The following KAZN variants were observed in gnomAD, a reference collection of about 807,000 sequenced individuals.
KAZN encodes kazrin, periplakin interacting protein.
Under a neutral mutation model 87.4 loss-of-function variants are expected in KAZN, and 40 were observed. The observed-to-expected ratio is 0.46, with a 90% CI of 0.36 to 0.60. KAZN has a LOEUF of 0.60. KAZN is among the 20% of genes least tolerant of loss of function. KAZN has a pLI of 0.00. For missense variants in KAZN, 898 were observed against 1,073.9 expected (o/e 0.84, Z 2.29); for synonymous variants, 466 against 458.3 (o/e 1.02, Z -0.22).
intron 1 of KAZN, among the ~76,000 whole-genome samples, chr1:14,676,670 A>T (rs979148619): frequency 3.3e-5 from 5 of 152,198 alleles, no homozygotes; most frequent in Non-Finnish European, 7.4e-5. Flanking sequence ...CCTTGAAAAC[A>T]TCATGCTAAA....
At chr1:14,738,362 G>A (rs1268207102) in intron 1 of KAZN, among the ~76,000 whole-genome samples, 3 of 152,064 alleles carry the variant, frequency 2.0e-5, no homozygotes, top group Admixed American at 1.3e-4. Flanking sequence ...GTGCACCGTG[G>A]CGCAGATGAC....
At chr1:14,174,238 C>A (rs967958251) in intron 1 of KAZN, among the ~76,000 whole-genome samples, 1 of 152,062 alleles carries the variant, frequency 6.6e-6, no homozygotes, top group East Asian at 1.9e-4. Flanking sequence ...GACCGGCTGG[C>A]AAGAAGGGAA....
chr1:14,771,967 G>A (rs1645031714), intron 1 of KAZN, among the ~76,000 whole-genome samples: 1 of 152,196 alleles, frequency 6.6e-6, no homozygotes. Context: ...CAAGACAGCA[G>A]GCAGCATCTC....
At chr1:14,665,848 C>G (rs1271275279) in intron 1 of KAZN, among the ~76,000 whole-genome samples, 1 of 148,702 alleles carries the variant, frequency 6.7e-6, no homozygotes, top group Non-Finnish European at 1.5e-5. Context: ...CCCCTCCCCA[C>G]TAAAGGCTGA....
chr1:14,833,523 C>T (rs1423187666), intron 1 of KAZN, among the ~76,000 whole-genome samples: 3 of 152,172 alleles, frequency 2.0e-5, no homozygotes, highest in Non-Finnish European at 4.4e-5. Flanking sequence ...GGAGCACACC[C>T]CTCAGATATC....
At chr1:14,640,430 C>G (rs1195137517) in intron 1 of KAZN, among the ~76,000 whole-genome samples, 1 of 152,110 alleles carries the variant, frequency 6.6e-6, no homozygotes, top group African/African-American at 2.4e-5. Flanking sequence ...AGCCTGTGGT[C>G]CCAGGGCAGT....
chr1:14,233,307 T>C (rs1393787823), intron 2 of KAZN, among the ~76,000 whole-genome samples: 1 of 152,106 alleles, frequency 6.6e-6, no homozygotes, highest in Non-Finnish European at 1.5e-5. Context: ...AATTTTTTCA[T>C]TTTTATTTTT....
chr1:14,545,150 G>A (rs1443464839), intron 2 of KAZN, among the ~76,000 whole-genome samples: 3 of 152,170 alleles, frequency 2.0e-5, no homozygotes, highest in Non-Finnish European at 4.4e-5. Flanking sequence ...CTGCTCCCTA[G>A]AAAGAAGCTC....
At chr1:14,419,758 G>C (rs1323091792) in intron 2 of KAZN, among the ~76,000 whole-genome samples, 2 of 151,966 alleles carry the variant, frequency 1.3e-5, no homozygotes, top group Admixed American at 1.3e-4. Flanking sequence ...AAGGCGGTGC[G>C]TCTGGTGTTG....
chr1:15,117,784 C>T lies in KAZN; in HGVS notation c.*3149C>T, dbSNP rs1383608611. On this transcript the variant is annotated 3_prime_UTR_variant, in exon 15 of 15. Transcript: ENST00000376030. ...GCACCACCACTTCCACTCTGCTTTT[C>T]GAGGCTCCGGAGGGCTCTTCCTGCT... 2 of 152,278 alleles carry T rather than the reference C, an allele frequency of 1.3e-5. No individual in the cohort carries two copies. Among genetic ancestry groups the T allele is most frequent in the Non-Finnish European group, 2.9e-5 (2 of 68,098 alleles). The allele number at this position is 152,278 out of a possible 1,614,324, so 9.4% of individuals were successfully genotyped here. A position where few individuals can be genotyped will look rare whatever the true frequency, so the allele number is the denominator to read the frequency against.
chr1:13,917,602 C>T (rs956055961), intron 1 of KAZN, among the ~76,000 whole-genome samples: 8 of 151,820 alleles, frequency 5.3e-5, no homozygotes, highest in African/African-American at 1.9e-4. Flanking sequence ...TCAAGACCAG[C>T]CTGGATAACA....
At chr1:14,715,572 G>A (rs1021275671) in intron 1 of KAZN, among the ~76,000 whole-genome samples, 6 of 152,192 alleles carry the variant, frequency 3.9e-5, no homozygotes, top group African/African-American at 1.4e-4. Context: ...GATGTTCGGG[G>A]GCTGGCAGAT....
intron 1 of KAZN, among the ~76,000 whole-genome samples, chr1:14,754,236 T>C (rs1435427133): frequency 6.6e-6 from 1 of 152,154 alleles, no homozygotes; most frequent in Non-Finnish European, 1.5e-5. Flanking sequence ...AAGACAATGA[T>C]TTATGTGGGA....
At chr1:14,889,352 A>G (rs1654456987) in intron 1 of KAZN, among the ~76,000 whole-genome samples, 1 of 152,260 alleles carries the variant, frequency 6.6e-6, no homozygotes, top group African/African-American at 2.4e-5. Flanking sequence ...TTATAAATAT[A>G]TACTAATATA....
chr1:13,966,546 A>G (rs1479615304), intron 1 of KAZN, among the ~76,000 whole-genome samples: 1 of 152,126 alleles, frequency 6.6e-6, no homozygotes, highest in Non-Finnish European at 1.5e-5. Context: ...GTGACCTGAC[A>G]TCTCTGGGGC....
chr1:14,807,511 G>A (rs895268409), intron 1 of KAZN, among the ~76,000 whole-genome samples: 4 of 152,122 alleles, frequency 2.6e-5, no homozygotes, highest in East Asian at 1.9e-4. Context: ...GCTCACACCC[G>A]TAATCCCAGC....
At chr1:14,833,221 T>C (rs929143549) in intron 1 of KAZN, among the ~76,000 whole-genome samples, 4 of 151,870 alleles carry the variant, frequency 2.6e-5, no homozygotes. Context: ...GGCGTGACAG[T>C]GGCAGTGGGT....
At chr1:14,526,712 C>T (rs1436553413) in intron 2 of KAZN, among the ~76,000 whole-genome samples, 1 of 152,160 alleles carries the variant, frequency 6.6e-6, no homozygotes. Flanking sequence ...ATATCAAAAA[C>T]CTCATTCCCC....
chr1:14,486,950 G>A (rs772251157), intron 2 of KAZN, among the ~76,000 whole-genome samples: 12 of 152,198 alleles, frequency 7.9e-5, no homozygotes, highest in Non-Finnish European at 1.0e-4. Flanking sequence ...GTGTGGTTTT[G>A]CTTGTGGCCA....
Sources: gnomAD v4.1 joint callset for allele counts (sites outside exome capture counted in the v4.1 genomes callset) on GRCh38, gnomAD v4.1.1 for gene constraint, MANE v1.5 for transcripts, NCBI Gene and HGNC (gene_info 2026-07-23, HGNC 2026-07-21) for gene names.